ASTN2: variants seen among roughly 807,000 people sequenced by gnomAD.
ASTN2 encodes astrotactin 2, also known as astrotactin-2.
In ASTN2, 54 loss-of-function variants were observed where a neutral mutation model predicts 139.8. That is an observed-to-expected ratio of 0.39 (90% CI 0.31 to 0.48). The LOEUF (loss-of-function observed/expected upper bound fraction) is 0.48, where lower values mean the gene tolerates loss of function less well. Among genes scored for constraint, ASTN2 ranks in the 20% least tolerant of loss-of-function variants. The pLI, the probability that ASTN2 is intolerant of heterozygous loss-of-function variation, is 0.95. For synonymous variants in ASTN2, 756 were observed against 719.5 expected (o/e 1.05, Z -0.81); for missense variants, 1,565 against 1,725.1 (o/e 0.91, Z 1.64).
chr9:116,776,544 G>A (rs7858285), intron 13 of ASTN2, among the ~76,000 whole-genome samples: 122,751 of 151,974 alleles, frequency 0.81, 50,711 homozygotes, highest in Non-Finnish European at 0.91. Flanking sequence ...GGCTGTTTCC[G>A]CTCCTTGTTT....
intron 19 of ASTN2, among the ~76,000 whole-genome samples, chr9:116,533,181 G>T (rs1400420815): frequency 6.6e-6 from 1 of 152,188 alleles, no homozygotes; most frequent in African/African-American, 2.4e-5. Flanking sequence ...TGGTGTATAA[G>T]AATGCTTGTG....
chr9:116,471,800 C>T (rs1261230482), intron 20 of ASTN2, among the ~76,000 whole-genome samples: 2 of 152,126 alleles, frequency 1.3e-5, no homozygotes, highest in Admixed American at 6.5e-5. Context: ...CAGGAAGAGG[C>T]TTGGTCTCCA....
intron 3 of ASTN2, chr9:117,181,058 T>A: frequency 7.0e-7 from 1 of 1,422,304 alleles, no homozygotes; most frequent in South Asian, 1.1e-5. Context: ...TAAACATACA[T>A]CTGAAAGGCC....
intron 4 of ASTN2, among the ~76,000 whole-genome samples, chr9:117,135,009 A>G (rs1008124301): frequency 7.2e-5 from 11 of 152,324 alleles, no homozygotes; most frequent in African/African-American, 2.6e-4. Flanking sequence ...AGAGAGGGAG[A>G]TGCCTCACCT....
intron 20 of ASTN2, among the ~76,000 whole-genome samples, chr9:116,470,137 G>A (rs1031622010): frequency 1.3e-5 from 2 of 152,160 alleles, no homozygotes; most frequent in Non-Finnish European, 2.9e-5. Flanking sequence ...TGGGGAGGCA[G>A]AGGTTGCAGT....
chr9:116,968,337 C>G (rs1052302160), intron 10 of ASTN2, among the ~76,000 whole-genome samples: 1 of 152,118 alleles, frequency 6.6e-6, no homozygotes, highest in East Asian at 1.9e-4. Flanking sequence ...CTGTATCTGA[C>G]TAGGGGTACT....
intron 11 of ASTN2, among the ~76,000 whole-genome samples, chr9:116,830,158 A>C (rs2132283613): frequency 6.6e-6 from 1 of 152,228 alleles, no homozygotes; most frequent in East Asian, 1.9e-4. Flanking sequence ...AACCCCATTA[A>C]AAATTGGGCA....
chr9:117,092,248 C>T (rs566237859), intron 5 of ASTN2, among the ~76,000 whole-genome samples: 8 of 152,210 alleles, frequency 5.3e-5, no homozygotes, highest in East Asian at 1.9e-4. Flanking sequence ...TAATCTGAAA[C>T]GCTCAGTTCA....
At chr9:116,545,819 C>T (rs367743720) in intron 19 of ASTN2, 2 of 152,102 alleles carry the variant, frequency 1.3e-5, no homozygotes, top group African/African-American at 4.8e-5. Flanking sequence ...TCTAAATAGA[C>T]CTTGGTTGGT....
intron 12 of ASTN2, among the ~76,000 whole-genome samples, chr9:116,813,635 C>A (rs1831225037): frequency 6.6e-6 from 1 of 152,068 alleles, no homozygotes; most frequent in African/African-American, 2.4e-5. Context: ...TGTATTTTTT[C>A]CTTATTTATT....
chr9:116,964,256 T>TGTGTGCGCGCGCGC (rs1491183340), intron 10 of ASTN2, among the ~76,000 whole-genome samples: 9 of 98,868 alleles, frequency 9.1e-5, no homozygotes, highest in African/African-American at 2.9e-4. Context: ...TGTGTGTGTG[T>TGTGTGCGCGCGCGC]GCGCGCGCGC....
intron 2 of ASTN2, among the ~76,000 whole-genome samples, chr9:117,275,085 T>C (rs145262772): frequency 1.3e-5 from 2 of 152,310 alleles, no homozygotes; most frequent in Non-Finnish European, 2.9e-5. Context: ...GTTCTTGCCA[T>C]TGTATATCAA....
chr9:116,595,014 G>A (rs16933737), intron 19 of ASTN2, among the ~76,000 whole-genome samples: 335 of 152,314 alleles, frequency 2.2e-3, no homozygotes, highest in African/African-American at 7.6e-3. Context: ...GCCATCAAGA[G>A]TAGGGATAAA....
At chr9:116,745,160 G>A (rs1352867680) in intron 13 of ASTN2, among the ~76,000 whole-genome samples, 1 of 152,224 alleles carries the variant, frequency 6.6e-6, no homozygotes, top group African/African-American at 2.4e-5. Flanking sequence ...AAGAAGCAGA[G>A]GCAGTATAGA....
chr9:116,473,352 G>A (rs1848876120), intron 20 of ASTN2, among the ~76,000 whole-genome samples: 1 of 152,142 alleles, frequency 6.6e-6, no homozygotes, highest in Non-Finnish European at 1.5e-5. Context: ...TTAGATTACA[G>A]ACAGTTTTCA....
At chr9:116,941,989 T>TAAAA (rs34288493) in intron 10 of ASTN2, among the ~76,000 whole-genome samples, 5 of 136,116 alleles carry the variant, frequency 3.7e-5, no homozygotes, top group Non-Finnish European at 6.2e-5. Flanking sequence ...CTAGATAAGC[T>TAAAA]AAAAAAAAAA....
At position 117,214,594 on chromosome 9, in the gene ASTN2, A is replaced by T. The variant is rs1832249301; in HGVS notation, c.779T>A (p.Leu260Gln). The change falls in exon 3 of 23, where the codon CTG (leucine) becomes CAG (glutamine). Residue 260 changes from leucine (L) to glutamine (Q), a missense_variant. Leu to Gln is a moderately radical substitution (Grantham distance 113). This residue lies in a region of ASTN2 where 596 missense variants were observed against 576.8 expected (regional missense o/e 1.03). Transcript: ENST00000313400. ...GAAGCTCTCCCGCGCCTGGGGACCC[A>T]GCAGCACAGATGGGATGTAGTGGAT... Reference protein sequence around the residue: ...HEIHYIPSVLLGPQARESFRS... With the variant: ...HEIHYIPSVLQGPQARESFRS... 1.9e-6 allele frequency: 3 copies of T among 1,606,510 alleles called. No individual in the cohort carries two copies. Among genetic ancestry groups the T allele is most frequent in the Non-Finnish European group, 2.6e-6 (3 of 1,173,924 alleles).
At chr9:116,941,161 G>T (rs1235707282) in intron 10 of ASTN2, among the ~76,000 whole-genome samples, 2 of 129,250 alleles carry the variant, frequency 1.5e-5, no homozygotes. Context: ...CATGTCTGCA[G>T]AAGACAACTG....
chr9:116,700,522 A>T (rs1861118545), intron 16 of ASTN2: 1 of 167,128 alleles, frequency 6.0e-6, no homozygotes, highest in Non-Finnish European at 1.5e-5. Context: ...AGGGCTCATC[A>T]TTTTTCATAC....
Sources: allele counts gnomAD v4.1 joint callset (sites outside exome capture counted in the v4.1 genomes callset), GRCh38; gene constraint gnomAD v4.1.1; regional missense constraint gnomAD v4.1.1; transcripts MANE v1.5; gene names NCBI Gene and HGNC (gene_info 2026-07-23, HGNC 2026-07-21).